The following SEPTIN7 variants were observed in gnomAD, a reference collection of about 807,000 sequenced individuals.
SEPTIN7 encodes septin 7, also known as septin-7.
Under a neutral mutation model 63.3 loss-of-function variants are expected in SEPTIN7, and 10 were observed. The ratio of observed to expected loss-of-function variants is 0.16; its 90% confidence interval spans 0.10 to 0.27. The LOEUF (loss-of-function observed/expected upper bound fraction) is 0.27. Ranked by LOEUF, SEPTIN7 falls within the 10% of genes least tolerant of loss-of-function variation. The pLI is 1.00. For synonymous variants in SEPTIN7, 131 were observed against 165.3 expected, an observed-to-expected ratio of 0.79 and a Z score of 1.59; for missense variants, 310 against 521.0, an observed-to-expected ratio of 0.59 and a Z score of 3.94.
chr7:35,860,052 C>T (rs1341054398), intron 3 of SEPTIN7, among the ~76,000 whole-genome samples: 3 of 151,206 alleles, frequency 2.0e-5, no homozygotes, highest in African/African-American at 7.3e-5. Flanking sequence ...TTCATTTCTT[C>T]CATTACTGCC....
chr7:35,871,627 C>T (rs1786156328), intron 4 of SEPTIN7, among the ~76,000 whole-genome samples: 1 of 152,220 alleles, frequency 6.6e-6, no homozygotes, highest in Admixed American at 6.5e-5. Context: ...GCATGTTAGT[C>T]TCTTCATGCA....
At chr7:35,846,770 A>AT (rs1784687901) in intron 3 of SEPTIN7, 1 of 154,838 alleles carries the variant, frequency 6.5e-6, no homozygotes, top group Non-Finnish European at 1.5e-5. Context: ...TACTGATTAG[A>AT]CCCAGGAGGT....
chr7:35,801,536 G>C (rs1253436062), intron 1 of SEPTIN7, among the ~76,000 whole-genome samples: 2 of 151,762 alleles, frequency 1.3e-5, no homozygotes, highest in African/African-American at 2.4e-5. Context: ...GGCCCCCGGC[G>C]CAGAGCCGCG....
intron 3 of SEPTIN7, among the ~76,000 whole-genome samples, chr7:35,839,509 T>C (rs1380031042): frequency 3.4e-5 from 5 of 147,484 alleles, no homozygotes; most frequent in Non-Finnish European, 7.5e-5. Flanking sequence ...TGGAATATGC[T>C]ATAATTTTTG....
intron 6 of SEPTIN7, among the ~76,000 whole-genome samples, chr7:35,878,704 G>C (rs867458915): frequency 1.3e-5 from 2 of 152,282 alleles, no homozygotes; most frequent in South Asian, 4.1e-4. Flanking sequence ...TAGAGGAGGG[G>C]AGGAATCCTA....
rs1787204984 is a variant in SEPTIN7, at chr7:35,885,831, A to T, written c.824A>T (p.Glu275Val). The stretch of plus-strand genomic sequence containing the variant: ...GCGGTCTGCTTTTTTCTTACAGTTG[A>T]AAATGGTGAACATTGTGATTTTACA... ...RQYPWGVAEV[E>V]NGEHCDFTIL... The change falls in exon 10 of 14, where the codon GAA (glutamate) becomes GTA (valine). Residue 275 changes from glutamate to valine, a missense_variant. Coordinates refer to ENST00000350320, the MANE Select transcript of SEPTIN7 (RefSeq NM_001788.6). 6.2e-7 allele frequency: 1 copy of T among 1,603,814 alleles called. No individual in the cohort carries two copies. The highest frequency in any genetic ancestry group is 1.3e-5 in the African/African-American group (1 of 74,726).
At chr7:35,890,119 T>C (rs1787543877) in intron 10 of SEPTIN7, among the ~76,000 whole-genome samples, 1 of 152,240 alleles carries the variant, frequency 6.6e-6, no homozygotes. Context: ...TTATATATGA[T>C]AGAAATGCTG....
At chr7:35,821,845 C>A (rs532191247) in intron 1 of SEPTIN7, among the ~76,000 whole-genome samples, 1 of 152,156 alleles carries the variant, frequency 6.6e-6, no homozygotes, top group African/African-American at 2.4e-5. Context: ...GTGGCACGAT[C>A]TTAGCTCACT....
chr7:35,851,301 T>G (rs966989806), intron 3 of SEPTIN7, among the ~76,000 whole-genome samples: 1 of 152,108 alleles, frequency 6.6e-6, no homozygotes, highest in Non-Finnish European at 1.5e-5. Flanking sequence ...TTATGTTTTG[T>G]TTTAATAAGG....
chr7:35,817,174 T>G (rs1026583185), intron 1 of SEPTIN7, among the ~76,000 whole-genome samples: 2 of 152,066 alleles, frequency 1.3e-5, no homozygotes, highest in Admixed American at 1.3e-4. Flanking sequence ...TCTAAGAGTT[T>G]TATAGTTTTA....
chr7:35,881,510 T>A (rs1474344637), intron 7 of SEPTIN7, among the ~76,000 whole-genome samples: 1 of 151,788 alleles, frequency 6.6e-6, no homozygotes, highest in Non-Finnish European at 1.5e-5. Flanking sequence ...TTTTTTTTTT[T>A]TTAAATATAG....
chr7:35,884,844 G>C (rs1787130412), intron 9 of SEPTIN7, among the ~76,000 whole-genome samples: 1 of 152,092 alleles, frequency 6.6e-6, no homozygotes, highest in African/African-American at 2.4e-5. Flanking sequence ...TAAGTAAGGA[G>C]TTTTAAATAC....
intron 1 of SEPTIN7, chr7:35,815,290 G>C (rs1426246203): frequency 7.0e-6 from 2 of 286,352 alleles, no homozygotes; most frequent in South Asian, 6.1e-5. Flanking sequence ...ATTGCTGCTG[G>C]GGTGTCACTG....
intron 3 of SEPTIN7, among the ~76,000 whole-genome samples, chr7:35,837,990 A>G (rs1177276819): frequency 6.6e-6 from 1 of 152,090 alleles, no homozygotes; most frequent in Non-Finnish European, 1.5e-5. Flanking sequence ...CGGCCTCCCA[A>G]AGTACTGGGA....
At chr7:35,824,492 C>T (rs1229690225) in intron 1 of SEPTIN7, among the ~76,000 whole-genome samples, 1 of 152,156 alleles carries the variant, frequency 6.6e-6, no homozygotes, top group Non-Finnish European at 1.5e-5. Flanking sequence ...CATTATCTGT[C>T]TAACCTAGAT....
rs1788620001 is a variant in SEPTIN7, at chr7:35,906,651, C to T, written c.*2358C>T. ...GCTGCCACCTAGTGGAATGGGATAT[C>T]ATTGCTTCCATATCAGGTTCACAAG... On this transcript the variant is annotated 3_prime_UTR_variant, in exon 14 of 14. Transcript: ENST00000350320. The T allele has an allele frequency of 1.3e-5, 2 of 152,208 alleles. No individual in the cohort carries two copies. Among genetic ancestry groups the T allele is most frequent in the Non-Finnish European group, 2.9e-5 (2 of 68,058 alleles). 9.4% of individuals were successfully genotyped at this position (152,208 alleles called of 1,614,324 possible). A position where few individuals can be genotyped will look rare whatever the true frequency, so the allele number is the denominator to read the frequency against.
intron 2 of SEPTIN7, chr7:35,831,842 A>G (rs1426605186): frequency 1.1e-5 from 3 of 275,226 alleles, no homozygotes; most frequent in Admixed American, 5.3e-5. Flanking sequence ...ATCCAAATGT[A>G]TTGAATTGAT....
chr7:35,826,994 A>G (rs1236401793), intron 1 of SEPTIN7, among the ~76,000 whole-genome samples: 2 of 152,158 alleles, frequency 1.3e-5, no homozygotes. Flanking sequence ...AACTAATGTA[A>G]CCTTAGAAGG....
chr7:35,857,607 C>T (rs1785272636), intron 3 of SEPTIN7, among the ~76,000 whole-genome samples: 2 of 152,220 alleles, frequency 1.3e-5, no homozygotes, highest in Middle Eastern at 3.4e-3. Context: ...TATGTATCCC[C>T]TGATATGTTA....
Sources: allele counts gnomAD v4.1 joint callset (sites outside exome capture counted in the v4.1 genomes callset), GRCh38; gene constraint gnomAD v4.1.1; transcripts MANE v1.5; gene names NCBI Gene and HGNC (gene_info 2026-07-23, HGNC 2026-07-21).